Variants in CCDC68 observed in about 807,000 individuals in gnomAD.
CCDC68 encodes the protein coiled-coil domain-containing protein 68.
CCDC68 carries 45 observed loss-of-function variants against 47.1 expected under a neutral mutation model. That is an observed-to-expected ratio of 0.96 (90% CI 0.75 to 1.23). The LOEUF (loss-of-function observed/expected upper bound fraction) is 1.23. Ranked by LOEUF, CCDC68 falls within the 50% of genes most tolerant of loss-of-function variation. The pLI is 0.00. For missense variants in CCDC68, 353 were observed against 373.6 expected, an observed-to-expected ratio of 0.94 and a Z score of 0.45; for synonymous variants, 131 against 129.5, an observed-to-expected ratio of 1.01 and a Z score of -0.08.
intron 10 of CCDC68, among the ~76,000 whole-genome samples, chr18:54,908,766 T>C (rs764014682): frequency 2.6e-5 from 4 of 152,262 alleles, no homozygotes; most frequent in Non-Finnish European, 5.9e-5. Context: ...TCACCCAGGC[T>C]GGATACAGTA....
At chr18:54,943,605 A>G (rs1344713147) in intron 2 of CCDC68, among the ~76,000 whole-genome samples, 1 of 152,222 alleles carries the variant, frequency 6.6e-6, no homozygotes, top group Non-Finnish European at 1.5e-5. Flanking sequence ...AAAATGACAT[A>G]CCAGGAACTA....
intron 1 of CCDC68, chr18:54,954,726 G>GT (rs1467508684): frequency 6.6e-6 from 1 of 152,000 alleles, no homozygotes; most frequent in Non-Finnish European, 1.5e-5. Flanking sequence ...CTATAAAATC[G>GT]TGAGTATAAG....
At chr18:54,946,601 A>G (rs966216073) in intron 1 of CCDC68, among the ~76,000 whole-genome samples, 1 of 152,210 alleles carries the variant, frequency 6.6e-6, no homozygotes, top group African/African-American at 2.4e-5. Context: ...AGGCTCTTTC[A>G]TAATTTGAAA....
At chr18:54,947,051 G>C (rs1352983612) in intron 1 of CCDC68, among the ~76,000 whole-genome samples, 1 of 152,068 alleles carries the variant, frequency 6.6e-6, no homozygotes, top group Non-Finnish European at 1.5e-5. Context: ...GTCCTTGGTT[G>C]GTATAAAGAA....
In CCDC68 at chr18:54,942,785, T is replaced by G; in HGVS notation, c.7A>C (p.Thr3Pro). 1 of 1,597,906 alleles carries G rather than the reference T, an allele frequency of 6.3e-7. No homozygotes were observed. Among genetic ancestry groups the G allele is most frequent in the Non-Finnish European group, 8.6e-7 (1 of 1,166,614 alleles). The part of the protein sequence containing the change: MT[T>P]VTVTTEIPPR... ...GGAATTTCTGTGGTCACTGTCACTG[T>G]TGTCATTGTGAATTCTGGCTTTAGG... is the stretch of plus-strand genomic sequence containing the variant. Residue 3 changes from threonine (T) to proline (P), a missense_variant, in exon 3 of 12, where the codon ACA becomes CCA. Physicochemically the swap from Thr to Pro is conservative, Grantham distance 38. Transcript: ENST00000591504.
intron 4 of CCDC68, among the ~76,000 whole-genome samples, chr18:54,938,389 C>T (rs921592712): frequency 3.3e-5 from 5 of 152,112 alleles, no homozygotes; most frequent in African/African-American, 1.2e-4. Context: ...AAATAATGTC[C>T]ACAAGGCCAG....
chr18:54,938,398 A>G (rs1412788554), intron 4 of CCDC68, among the ~76,000 whole-genome samples: 1 of 152,264 alleles, frequency 6.6e-6, no homozygotes, highest in African/African-American at 2.4e-5. Flanking sequence ...CCACAAGGCC[A>G]GACATTTTTT....
intron 10 of CCDC68, among the ~76,000 whole-genome samples, chr18:54,915,930 AAT>A (rs141546930): frequency 0.02 from 2,947 of 149,882 alleles, 101 homozygotes; most frequent in African/African-American, 0.066. Flanking sequence ...TCCTGTCTCA[AAT>A]ATATATATAT....
chr18:54,942,638 AATC>A, intron 3 of CCDC68, 34 bp downstream of exon 3: 1 of 1,269,310 alleles, frequency 7.9e-7, no homozygotes, highest in Non-Finnish European at 1.1e-6. Context: ...CTCTTTAAAA[AATC>A]ATATCATACT....
rs1266586861 is a variant in CCDC68, at chr18:54,901,938, G to A, written c.*2420C>T. 2.6e-5 allele frequency: 4 copies of A among 151,954 alleles called. No homozygotes were observed. The East Asian group carries it at 7.7e-4, about 29-fold the overall frequency. 9.4% of individuals were successfully genotyped at this position (151,954 alleles called of 1,614,324 possible). ...TTCAAATGATAATTTTATGATAGTG[G>A]ATATAGGAAACAATCCATACATGAC... On this transcript the variant is annotated 3_prime_UTR_variant, in exon 12 of 12. Coordinates refer to ENST00000591504, the MANE Select transcript of CCDC68 (RefSeq NM_025214.3).
chr18:54,906,356 AC>A (rs1157418233), intron 11 of CCDC68, among the ~76,000 whole-genome samples: 1 of 152,058 alleles, frequency 6.6e-6, no homozygotes, highest in Non-Finnish European at 1.5e-5. Context: ...TAAACAGTAA[AC>A]CTTTAACTAT....
chr18:54,920,299 C>T (rs544164423), intron 8 of CCDC68, among the ~76,000 whole-genome samples: 1 of 150,590 alleles, frequency 6.6e-6, no homozygotes, highest in African/African-American at 2.4e-5. Flanking sequence ...TACTCTGTCG[C>T]CCAGGCTGGA....
chr18:54,917,859 A>T, intron 10 of CCDC68, 54 bp downstream of exon 10: 3 of 942,832 alleles, frequency 3.2e-6, no homozygotes, highest in Non-Finnish European at 5.2e-6. Flanking sequence ...ACACACACAC[A>T]CACACACACA....
At chr18:54,949,893 T>C (rs530044097) in intron 1 of CCDC68, among the ~76,000 whole-genome samples, 2 of 151,968 alleles carry the variant, frequency 1.3e-5, no homozygotes, top group Non-Finnish European at 2.9e-5. Context: ...TGACACAGAG[T>C]GGTGCTTCAT....
intron 8 of CCDC68, among the ~76,000 whole-genome samples, chr18:54,921,410 A>T (rs1247992662): frequency 6.6e-6 from 1 of 152,232 alleles, no homozygotes; most frequent in East Asian, 1.9e-4. Flanking sequence ...CCTGGAAAGA[A>T]AACAAAAGAA....
At chr18:54,939,535 G>T (rs778397243) in intron 4 of CCDC68, among the ~76,000 whole-genome samples, 1 of 152,012 alleles carries the variant, frequency 6.6e-6, no homozygotes, top group Admixed American at 6.5e-5. Context: ...GATCACTATG[G>T]TGAAATCTCT....
intron 7 of CCDC68, among the ~76,000 whole-genome samples, chr18:54,932,779 T>C (rs934977855): frequency 1.3e-5 from 2 of 152,222 alleles, no homozygotes; most frequent in Non-Finnish European, 2.9e-5. Flanking sequence ...TTCTGGGGCA[T>C]GCTCCTCTGC....
In CCDC68 at chr18:54,923,373, A is replaced by G. The variant is rs537543187; in HGVS notation, c.684-3997T>C. Among the ~76,000 whole-genome samples, 5 of 152,312 alleles carry G rather than the reference A, an allele frequency of 3.3e-5. No individual in the cohort carries two copies. In the South Asian group the frequency reaches 1.0e-3, roughly 32 times the overall value. Reference sequence around the variant, plus strand: ...AACATAGGTTGTTATTTTTCTATCAAAAATCCCAAGCTCAGAAAAATTTCC... The same window carrying G: ...AACATAGGTTGTTATTTTTCTATCAGAAATCCCAAGCTCAGAAAAATTTCC... On this transcript the variant is annotated intron_variant, in intron 8 of 11. Coordinates refer to ENST00000591504, the MANE Select transcript of CCDC68 (RefSeq NM_025214.3).
intron 4 of CCDC68, 45 bp from the exon 5 acceptor site, chr18:54,938,142 C>A (rs774811731): frequency 1.5e-5 from 23 of 1,564,466 alleles, no homozygotes; most frequent in Non-Finnish European, 1.9e-5. Flanking sequence ...ATCTTTTCCT[C>A]TACAAACTTT....
Sources: allele counts gnomAD v4.1 joint callset (sites outside exome capture counted in the v4.1 genomes callset), GRCh38; gene constraint gnomAD v4.1.1; transcripts MANE v1.5; gene names NCBI Gene and HGNC (gene_info 2026-07-23, HGNC 2026-07-21).